Variants in SRPK2 observed in about 807,000 individuals in gnomAD.
The protein encoded by SRPK2 is SRSF protein kinase 2.
SRPK2 carries 21 observed loss-of-function variants against 90.8 expected under a neutral mutation model. The ratio of observed to expected loss-of-function variants is 0.23; its 90% confidence interval spans 0.16 to 0.33. The LOEUF (loss-of-function observed/expected upper bound fraction) is 0.33. Ranked by LOEUF, SRPK2 falls within the 10% of genes least tolerant of loss-of-function variation. The pLI, the probability that SRPK2 is intolerant of heterozygous loss-of-function variation, is 1.00. For missense variants in SRPK2, 620 were observed against 869.0 expected, an observed-to-expected ratio of 0.71 and a Z score of 3.60; for synonymous variants, 288 against 311.1, an observed-to-expected ratio of 0.93 and a Z score of 0.78.
chr7:105,201,051 T>C (rs149898784), intron 3 of SRPK2, among the ~76,000 whole-genome samples: 97 of 152,258 alleles, frequency 6.4e-4, no homozygotes, highest in African/African-American at 2.2e-3. Context: ...TAAAACACCA[T>C]ATTAGTAATT....
At chr7:105,297,054 G>C (rs181118573) in intron 2 of SRPK2, among the ~76,000 whole-genome samples, 5 of 152,266 alleles carry the variant, frequency 3.3e-5, no homozygotes, top group Non-Finnish European at 7.4e-5. Context: ...TAGACACTAA[G>C]AATACTTAGT....
upstream of SRPK2, chr7:105,389,227 G>T: frequency 8.2e-7 from 1 of 1,226,046 alleles, no homozygotes; most frequent in Non-Finnish European, 1.0e-6. Flanking sequence ...CCCCGCCGCG[G>T]CCTCTCCCCT....
chr7:105,373,989 A>T (rs554573997), intron 2 of SRPK2, among the ~76,000 whole-genome samples: 1 of 152,268 alleles, frequency 6.6e-6, no homozygotes, highest in Admixed American at 6.5e-5. Context: ...GTGCAGTGGC[A>T]TGATCTTGGC....
chr7:105,368,312 T>G (rs910143083), intron 2 of SRPK2, among the ~76,000 whole-genome samples: 4 of 152,190 alleles, frequency 2.6e-5, no homozygotes, highest in South Asian at 2.1e-4. Context: ...TAGATGCACA[T>G]GATAAAACCG....
At chr7:105,275,831 G>T (rs556894320) in intron 2 of SRPK2, among the ~76,000 whole-genome samples, 1 of 152,298 alleles carries the variant, frequency 6.6e-6, no homozygotes, top group South Asian at 2.1e-4. Context: ...CACAGAAGCT[G>T]TGGGCATGAT....
intron 2 of SRPK2, among the ~76,000 whole-genome samples, chr7:105,278,468 G>C (rs1157601893): frequency 6.8e-6 from 1 of 146,372 alleles, no homozygotes; most frequent in African/African-American, 2.5e-5. Context: ...GAGGTCCGCA[G>C]TTCGAGACCA....
At chr7:105,326,126 C>A (rs540568719) in intron 2 of SRPK2, among the ~76,000 whole-genome samples, 1 of 152,276 alleles carries the variant, frequency 6.6e-6, no homozygotes, top group African/African-American at 2.4e-5. Flanking sequence ...TTAATTCATA[C>A]CCTATCATTA....
chr7:105,351,290 T>A (rs1817144065), intron 2 of SRPK2, among the ~76,000 whole-genome samples: 1 of 152,054 alleles, frequency 6.6e-6, no homozygotes, highest in African/African-American at 2.4e-5. Context: ...CCCCTTGACC[T>A]TGGCCTTCCC....
chr7:105,267,978 T>A (rs187097555), intron 2 of SRPK2, among the ~76,000 whole-genome samples: 42 of 152,292 alleles, frequency 2.8e-4, no homozygotes, highest in African/African-American at 1.0e-3. Context: ...TGCCCAGGAA[T>A]CTCAATTTAA....
chr7:105,387,691 C>A (rs1821776293), intron 2 of SRPK2, among the ~76,000 whole-genome samples: 1 of 152,126 alleles, frequency 6.6e-6, no homozygotes, highest in Non-Finnish European at 1.5e-5. Context: ...CCCACAGTAC[C>A]AAAGATGCCA....
intron 2 of SRPK2, among the ~76,000 whole-genome samples, chr7:105,303,379 G>A (rs1284780628): frequency 6.6e-6 from 1 of 151,884 alleles, no homozygotes; most frequent in Non-Finnish European, 1.5e-5. Flanking sequence ...GAGTTAATGG[G>A]TGCAGCAAAC....
chr7:105,273,409 C>A (rs1387559110), intron 2 of SRPK2, among the ~76,000 whole-genome samples: 2 of 147,668 alleles, frequency 1.4e-5, no homozygotes, highest in African/African-American at 4.9e-5. Context: ...ACACCCAACT[C>A]GTTTTTTCTT....
At chr7:105,235,010 T>G (rs1386669283) in intron 2 of SRPK2, among the ~76,000 whole-genome samples, 1 of 152,236 alleles carries the variant, frequency 6.6e-6, no homozygotes. Flanking sequence ...TTTCTGCAAT[T>G]TTTTAAGCTC....
At chr7:105,360,942 C>T (rs1818355598) in intron 2 of SRPK2, among the ~76,000 whole-genome samples, 1 of 152,160 alleles carries the variant, frequency 6.6e-6, no homozygotes, top group Non-Finnish European at 1.5e-5. Flanking sequence ...TCTCTCACCA[C>T]TCGAATATTC....
intron 2 of SRPK2, among the ~76,000 whole-genome samples, chr7:105,280,990 GT>G (rs1807247997): frequency 8.1e-6 from 1 of 123,944 alleles, no homozygotes; most frequent in African/African-American, 3.2e-5. Context: ...AAAAAACCTT[GT>G]TTATAAGGCA....
At chr7:105,124,898 A>G (rs1800948091) in intron 15 of SRPK2, among the ~76,000 whole-genome samples, 1 of 151,426 alleles carries the variant, frequency 6.6e-6, no homozygotes, top group African/African-American at 2.4e-5. Context: ...TTGGAAGGCT[A>G]AGGCGGGTGG....
In SRPK2 at chr7:105,226,278, T is replaced by C. The variant is rs181638237; in HGVS notation, c.72-22493A>G. Among the ~76,000 whole-genome samples the C allele has an allele frequency of 2.6e-3, 397 of 152,150 alleles. 1 individual carries two copies. The highest frequency in any genetic ancestry group is 4.4e-3 in the Non-Finnish European group (299 of 68,004). On this transcript the variant is annotated intron_variant, in intron 2 of 15. Coordinates refer to ENST00000393651, the MANE Select transcript of SRPK2 (RefSeq NM_182692.3). ...TTTTTTAAAAAACGCACTATATATG[T>C]GCTCAAGAAAGAAATAATTTTTTTT...
At chr7:105,181,880 GTA>G (rs1792870151) in intron 3 of SRPK2, among the ~76,000 whole-genome samples, 1 of 67,528 alleles carries the variant, frequency 1.5e-5, no homozygotes, top group African/African-American at 4.1e-5. Context: ...TAAGATAAAA[GTA>G]AAAAAAAAAA....
intron 1 of SRPK2, among the ~76,000 whole-genome samples, chr7:105,397,263 G>A (rs902631252): frequency 5.3e-5 from 8 of 151,700 alleles, no homozygotes; most frequent in Non-Finnish European, 7.4e-5. Context: ...TGATCCACCC[G>A]CCTCGGCCTA....
Sources: allele counts gnomAD v4.1 joint callset (sites outside exome capture counted in the v4.1 genomes callset), GRCh38; gene constraint gnomAD v4.1.1; transcripts MANE v1.5; gene names NCBI Gene and HGNC (gene_info 2026-07-23, HGNC 2026-07-21).